The following KCNMA1 variants were observed in gnomAD, a reference collection of about 807,000 sequenced individuals.
KCNMA1 encodes Calcium-activated potassium channel subunit alpha-1.
A neutral mutation model predicts 140.0 loss-of-function variants in KCNMA1; 29 were observed. The ratio of observed to expected loss-of-function variants is 0.21; its 90% CI spans 0.15 to 0.28. The LOEUF is 0.28. Ranked by LOEUF, KCNMA1 falls within the 10% of genes least tolerant of loss-of-function variation. The pLI, the probability that KCNMA1 is intolerant of heterozygous loss-of-function variation, is 1.00. For missense variants in KCNMA1, 880 were observed against 1,602.2 expected (o/e 0.55, Z 7.70); for synonymous variants, 612 against 611.9 (o/e 1.00, Z 0.00).
At chr10:77,005,012 T>A (rs2087914464) in intron 18 of KCNMA1, among the ~76,000 whole-genome samples, 3 of 152,180 alleles carry the variant, frequency 2.0e-5, no homozygotes, top group Admixed American at 2.0e-4. Flanking sequence ...TCTCCTTTGG[T>A]GTTTGCTAAT....
intron 1 of KCNMA1, among the ~76,000 whole-genome samples, chr10:77,510,559 G>T (rs2047994654): frequency 6.7e-6 from 1 of 150,350 alleles, no homozygotes; most frequent in Non-Finnish European, 1.5e-5. Context: ...AACAGCAAAA[G>T]AATAATAATT....
chr10:77,407,722 A>G (rs1035482123), intron 1 of KCNMA1, among the ~76,000 whole-genome samples: 1 of 152,146 alleles, frequency 6.6e-6, no homozygotes, highest in African/African-American at 2.4e-5. Flanking sequence ...GGGGACAAAC[A>G]TGCCGCCTCA....
chr10:76,925,944 T>C (rs931194333), intron 23 of KCNMA1, among the ~76,000 whole-genome samples: 22 of 152,260 alleles, frequency 1.4e-4, no homozygotes, highest in African/African-American at 4.6e-4. Flanking sequence ...TATCTCTGAA[T>C]GGTTCTAGAG....
At chr10:77,160,810 T>A (rs2098546091) in intron 5 of KCNMA1, among the ~76,000 whole-genome samples, 1 of 152,238 alleles carries the variant, frequency 6.6e-6, no homozygotes, top group South Asian at 2.1e-4. Flanking sequence ...AGGCCCTGGT[T>A]TTGTTAGTCA....
At chr10:76,963,370 T>G (rs1316838804) in intron 20 of KCNMA1, among the ~76,000 whole-genome samples, 4 of 152,194 alleles carry the variant, frequency 2.6e-5, no homozygotes, top group African/African-American at 9.7e-5. Flanking sequence ...GCAAGCTATA[T>G]CTTAACAAAG....
At chr10:77,284,645 C>T (rs369286847) in intron 2 of KCNMA1, among the ~76,000 whole-genome samples, 1 of 152,058 alleles carries the variant, frequency 6.6e-6, no homozygotes, top group Admixed American at 6.6e-5. Flanking sequence ...TCCCAAGTAG[C>T]CGGGATTACA....
chr10:77,223,451 A>C (rs1410949236), intron 3 of KCNMA1, among the ~76,000 whole-genome samples: 1 of 152,138 alleles, frequency 6.6e-6, no homozygotes, highest in Non-Finnish European at 1.5e-5. Context: ...TTGTCCCCCA[A>C]ACAAGTTGAA....
At chr10:77,164,656 C>T (rs2098614711) in intron 5 of KCNMA1, among the ~76,000 whole-genome samples, 1 of 152,104 alleles carries the variant, frequency 6.6e-6, no homozygotes. Context: ...GTGGCTTTGG[C>T]AAAAGCACAT....
At chr10:77,124,890 A>C (rs747414412) in intron 5 of KCNMA1, among the ~76,000 whole-genome samples, 11 of 152,240 alleles carry the variant, frequency 7.2e-5, no homozygotes, top group Non-Finnish European at 1.3e-4. Flanking sequence ...GGTTTAATTG[A>C]CTCAATTCCA....
At chr10:76,941,137 A>C (rs2062160878) in intron 23 of KCNMA1, among the ~76,000 whole-genome samples, 1 of 77,196 alleles carries the variant, frequency 1.3e-5, no homozygotes, top group Non-Finnish European at 2.8e-5. Flanking sequence ...AGGGAAGGGA[A>C]GGGAAGGGAA....
chr10:77,323,454 A>G (rs1166342127), intron 2 of KCNMA1, among the ~76,000 whole-genome samples: 1 of 152,170 alleles, frequency 6.6e-6, no homozygotes, highest in East Asian at 1.9e-4. Flanking sequence ...TGCCCTTTCT[A>G]TCCATGCCAG....
chr10:77,503,825 C>T (rs2044780467), intron 1 of KCNMA1, among the ~76,000 whole-genome samples: 2 of 152,212 alleles, frequency 1.3e-5, no homozygotes, highest in South Asian at 4.1e-4. Context: ...CGGGATTTTT[C>T]AGTGCTGGAA....
intron 1 of KCNMA1, among the ~76,000 whole-genome samples, chr10:77,565,450 G>A (rs2067924122): frequency 1.3e-5 from 2 of 152,124 alleles, no homozygotes; most frequent in South Asian, 4.2e-4. Flanking sequence ...GAAGGTAGAG[G>A]AAAAAAATGT....
intron 1 of KCNMA1, among the ~76,000 whole-genome samples, chr10:77,468,180 G>C (rs186163742): frequency 6.6e-6 from 1 of 152,034 alleles, no homozygotes; most frequent in South Asian, 2.1e-4. Context: ...GCTAATTTTT[G>C]TATTTTTGGT....
chr10:76,882,636 G>C (rs751950725), downstream of KCNMA1, among the ~76,000 whole-genome samples: 6 of 152,224 alleles, frequency 3.9e-5, no homozygotes, highest in Non-Finnish European at 5.9e-5. Flanking sequence ...CCATGACTCT[G>C]TCTCTTTTAA....
At chr10:77,200,023 T>C (rs2041956937) in intron 3 of KCNMA1, among the ~76,000 whole-genome samples, 1 of 152,192 alleles carries the variant, frequency 6.6e-6, no homozygotes, top group African/African-American at 2.4e-5. Context: ...CGATCTTGGC[T>C]CTCTGCAACC....
intron 2 of KCNMA1, among the ~76,000 whole-genome samples, chr10:77,369,639 T>C (rs541613245): frequency 1.3e-5 from 2 of 152,312 alleles, no homozygotes; most frequent in Non-Finnish European, 2.9e-5. Flanking sequence ...CACCTATATT[T>C]GAGGATTACC....
intron 1 of KCNMA1, among the ~76,000 whole-genome samples, chr10:77,420,128 T>C (rs2096836107): frequency 6.6e-6 from 1 of 152,214 alleles, no homozygotes; most frequent in Non-Finnish European, 1.5e-5. Context: ...TCTGCTGCCC[T>C]GCTGATCCAC....
chr10:77,149,281 C>T (rs2154050376), intron 5 of KCNMA1, among the ~76,000 whole-genome samples: 1 of 152,336 alleles, frequency 6.6e-6, no homozygotes, highest in Non-Finnish European at 1.5e-5. Context: ...CTGCCCCTGC[C>T]ATGTACATTA....
Sources: allele counts gnomAD v4.1 joint callset (sites outside exome capture counted in the v4.1 genomes callset), GRCh38; gene constraint gnomAD v4.1.1; transcripts MANE v1.5; gene names NCBI Gene and HGNC (gene_info 2026-07-23, HGNC 2026-07-21).